The following SOS2 variants were observed in gnomAD, a reference collection of about 807,000 sequenced individuals.
SOS2 encodes the protein son of sevenless homolog 2.
SOS2 carries 65 observed loss-of-function variants against 148.2 expected under a neutral mutation model. That is an observed-to-expected ratio of 0.44 (90% CI 0.36 to 0.54). The LOEUF (loss-of-function observed/expected upper bound fraction) is 0.54. SOS2 is among the 20% of genes least tolerant of loss of function. The pLI is 0.00. For missense variants in SOS2, 1,341 were observed against 1,590.2 expected (o/e 0.84, Z 2.67); for synonymous variants, 539 against 537.1 (o/e 1.00, Z -0.05).
intron 16 of SOS2, among the ~76,000 whole-genome samples, chr14:50,144,021 T>C (rs2139572170): frequency 6.6e-6 from 1 of 152,142 alleles, no homozygotes; most frequent in East Asian, 1.9e-4. Flanking sequence ...ACGAAACACC[T>C]TGGCAAAAGT....
At chr14:50,152,778 A>C (rs1487194365) in intron 13 of SOS2, among the ~76,000 whole-genome samples, 1 of 151,492 alleles carries the variant, frequency 6.6e-6, no homozygotes, top group East Asian at 1.9e-4. Flanking sequence ...TCTTGTGGTG[A>C]ATGTGGTGAA....
Position 50,157,090 on chromosome 14 carries a change from C to A in SOS2, c.1966G>T (p.Ala656Ser), listed in dbSNP as rs760318590. ...FEIPEPEPTD[A>S]DKLAIEKGEQ... Reference sequence around the variant, plus strand: ...CCTTTCTCTATTGCCAATTTGTCTGCGTCAGTAGGTTCTGGCTCTGGAATT... The same window carrying A: ...CCTTTCTCTATTGCCAATTTGTCTGAGTCAGTAGGTTCTGGCTCTGGAATT... Residue 656 changes from alanine to serine, a missense_variant, in exon 12 of 23, where the codon GCA becomes TCA. By Grantham distance (99) the Ala-to-Ser change is moderately conservative. Around this residue, in one of 4 missense-constraint regions of SOS2, gnomAD observed 408 missense variants for 506.6 expected, o/e 0.81. Coordinates refer to ENST00000216373, the MANE Select transcript of SOS2 (RefSeq NM_006939.4). 2 of 1,611,868 alleles carry A rather than the reference C, an allele frequency of 1.2e-6. No homozygotes were observed. The highest frequency in any genetic ancestry group is 2.2e-5 in the East Asian group (1 of 44,784).
At chr14:50,203,135 G>T (rs1886547075) in intron 2 of SOS2, among the ~76,000 whole-genome samples, 1 of 152,074 alleles carries the variant, frequency 6.6e-6, no homozygotes, top group Non-Finnish European at 1.5e-5. Context: ...CAAAAAGAAA[G>T]AAAGAAAGTT....
At chr14:50,167,534 T>C (rs192580721) in intron 8 of SOS2, among the ~76,000 whole-genome samples, 1 of 149,408 alleles carries the variant, frequency 6.7e-6, no homozygotes, top group Admixed American at 6.7e-5. Context: ...AGACTCTGTC[T>C]AAAAAAAACA....
chr14:50,205,541 C>G (rs557527185), intron 1 of SOS2, among the ~76,000 whole-genome samples: 1 of 152,310 alleles, frequency 6.6e-6, no homozygotes, highest in African/African-American at 2.4e-5. Flanking sequence ...CATCACATCA[C>G]GTGCCACCAC....
chr14:50,139,904 C>A, intron 17 of SOS2, 38 bp downstream of exon 17: 3 of 1,022,502 alleles, frequency 2.9e-6, no homozygotes, highest in Admixed American at 1.8e-5. Context: ...GGCTATCACA[C>A]GCTCACCCTC....
At chr14:50,166,196 TA>T (rs1194282476) in intron 8 of SOS2, among the ~76,000 whole-genome samples, 1 of 152,134 alleles carries the variant, frequency 6.6e-6, no homozygotes, top group Non-Finnish European at 1.5e-5. Context: ...AAATTAAAAA[TA>T]AAAGTGATTG....
At chr14:50,136,943 G>A (rs1884101257) in intron 18 of SOS2, among the ~76,000 whole-genome samples, 1 of 152,084 alleles carries the variant, frequency 6.6e-6, no homozygotes, top group South Asian at 2.1e-4. Context: ...GGACTTTAGG[G>A]TACTTTGTTT....
chr14:50,226,255 G>A (rs1198737594), intron 1 of SOS2, among the ~76,000 whole-genome samples: 1 of 152,172 alleles, frequency 6.6e-6, no homozygotes, highest in Non-Finnish European at 1.5e-5. Flanking sequence ...CCAGCCTGGA[G>A]ACAGTAATAT....
At chr14:50,221,721 C>T (rs1215472476) in intron 1 of SOS2, among the ~76,000 whole-genome samples, 1 of 152,070 alleles carries the variant, frequency 6.6e-6, no homozygotes, top group Non-Finnish European at 1.5e-5. Context: ...GCCTGCAGTC[C>T]TAGCTACTCA....
rs200021758 is a variant in SOS2, at chr14:50,160,379, C to CTTTTT, written c.1197-298_1197-294dup. On this transcript the variant is annotated intron_variant, in intron 9 of 22. Coordinates refer to ENST00000216373, the MANE Select transcript of SOS2 (RefSeq NM_006939.4). ...ATCCTAATAATATAACAATGCTAAT[C>CTTTTT]TTTTTTTTTTTTTTTTTTTTTTTTT... is the stretch of plus-strand genomic sequence containing the variant. 4.8e-4 allele frequency among the ~76,000 whole-genome samples: 38 copies of CTTTTT among 78,916 alleles called. 1 individual carries two copies. The highest frequency in any genetic ancestry group is 2.5e-3 in the South Asian group (5 of 1,998). 51.8% of individuals were successfully genotyped at this position (78,916 alleles called of 152,430 possible).
chr14:50,198,310 T>C (rs1469251505), intron 4 of SOS2, among the ~76,000 whole-genome samples: 1 of 151,462 alleles, frequency 6.6e-6, no homozygotes, highest in African/African-American at 2.4e-5. Flanking sequence ...TTACTTTTTG[T>C]TGTACTTCCA....
chr14:50,227,243 C>CTTTTTTTT lies in SOS2; in HGVS notation c.87+3953_87+3954insAAAAAAAA, dbSNP rs374477701. Among the ~76,000 whole-genome samples, 182 of 112,598 alleles carry CTTTTTTTT rather than the reference C, an allele frequency of 1.6e-3. 5 individuals carry two copies. Among genetic ancestry groups the CTTTTTTTT allele is most frequent in the African/African-American group, 2.5e-3 (71 of 28,626 alleles). The allele number at this position is 112,598 out of a possible 152,430, so 73.9% of individuals were successfully genotyped here. A position where few individuals can be genotyped will look rare whatever the true frequency, so the allele number is the denominator to read the frequency against. ...TCTCTGTGTTTCTTTTTCTTTCTTT[C>CTTTTTTTT]TTTCTTTTTTTTTTTTTTTGAGACA... On this transcript the variant is annotated intron_variant, in intron 1 of 22. Transcript: ENST00000216373.
intron 21 of SOS2, among the ~76,000 whole-genome samples, chr14:50,126,324 C>T (rs908174771): frequency 6.6e-6 from 1 of 151,988 alleles, no homozygotes; most frequent in Non-Finnish European, 1.5e-5. Context: ...CAGAGATATA[C>T]ATTATTATTA....
chr14:50,193,289 G>A (rs1886210264), intron 4 of SOS2, among the ~76,000 whole-genome samples: 1 of 151,888 alleles, frequency 6.6e-6, no homozygotes, highest in Admixed American at 6.6e-5. Context: ...CTATCCTCCT[G>A]CCTCAACCTC....
chr14:50,136,055 C>T (rs1884069121), intron 18 of SOS2, among the ~76,000 whole-genome samples: 1 of 152,050 alleles, frequency 6.6e-6, no homozygotes, highest in Non-Finnish European at 1.5e-5. Flanking sequence ...GTATAAAATT[C>T]TTCCCATTTT....
chr14:50,215,460 C>G (rs768630678), intron 1 of SOS2: 1 of 1,250,404 alleles, frequency 8.0e-7, no homozygotes, highest in African/African-American at 1.6e-5. Context: ...ATAAAATTAC[C>G]ACGACAGAAC....
intron 21 of SOS2, among the ~76,000 whole-genome samples, chr14:50,126,688 G>A (rs1276453739): frequency 1.3e-5 from 2 of 151,398 alleles, no homozygotes; most frequent in African/African-American, 4.9e-5. Context: ...AAATCTTCCA[G>A]GAAAACAGAA....
chr14:50,158,565 C>A lies in SOS2; in HGVS notation c.1934G>T (p.Arg645Leu). ...PQELLSLLIERFEIPEPEPTD... is the reference protein window; with the variant it reads ...PQELLSLLIELFEIPEPEPTD... Reference sequence around the variant, plus strand: ...TAACTGAAATACATATTTTTCTTACCGTTCAATCAGTAAGCTCAGCAATTC... The same window carrying A: ...TAACTGAAATACATATTTTTCTTACAGTTCAATCAGTAAGCTCAGCAATTC... Residue 645 changes from arginine (R) to leucine (L), a missense_variant and splice_region_variant, in exon 11 of 23, where the codon CGG becomes CTG. Around this residue, in one of 4 missense-constraint regions of SOS2, gnomAD observed 408 missense variants for 506.6 expected, o/e 0.81. Coordinates refer to ENST00000216373, the MANE Select transcript of SOS2 (RefSeq NM_006939.4). 6.4e-7 allele frequency: 1 copy of A among 1,564,850 alleles called. No individual in the cohort carries two copies. The highest frequency in any genetic ancestry group is 8.7e-7 in the Non-Finnish European group (1 of 1,144,438).
Sources: allele counts gnomAD v4.1 joint callset (sites outside exome capture counted in the v4.1 genomes callset), GRCh38; gene constraint gnomAD v4.1.1; regional missense constraint gnomAD v4.1.1; transcripts MANE v1.5; gene names NCBI Gene and HGNC (gene_info 2026-07-23, HGNC 2026-07-21).